The following FNDC3B variants were observed in gnomAD, a reference collection of about 807,000 sequenced individuals.
The protein encoded by FNDC3B is fibronectin type III domain-containing protein 3B.
In FNDC3B, 12 loss-of-function variants were observed where a neutral mutation model predicts 151.5. The ratio of observed to expected loss-of-function variants is 0.08; its 90% confidence interval spans 0.05 to 0.13. FNDC3B has a LOEUF of 0.13. Ranked by LOEUF, FNDC3B falls within the 10% of genes least tolerant of loss-of-function variation. The pLI is 1.00. For missense variants in FNDC3B, 1,214 were observed against 1,505.3 expected (o/e 0.81, Z 3.20); for synonymous variants, 528 against 549.0 (o/e 0.96, Z 0.54).
intron 1 of FNDC3B, among the ~76,000 whole-genome samples, chr3:172,054,836 T>C (rs2108462988): frequency 6.6e-6 from 1 of 152,298 alleles, no homozygotes; most frequent in African/African-American, 2.4e-5. Context: ...CTTTCAGGAC[T>C]TGCTGTGGTA....
chr3:172,307,468 T>C lies in FNDC3B; in HGVS notation c.1167T>C (p.His389=), dbSNP rs371252147. Residue 389 remains histidine, a synonymous_variant, in exon 10 of 26, where the codon CAT becomes CAC. Coordinates refer to ENST00000415807, the MANE Select transcript of FNDC3B (RefSeq NM_022763.4). ...GTCCTTTCCCCCCTAAGCTGGCACA[T>C]AGGAGCAAAAGTTCACTAACCCTGC... is the stretch of plus-strand genomic sequence containing the variant. The part of the protein sequence containing the change: ...PECPFPPKLA[H]RSKSSLTLQW... 9.9e-6 allele frequency: 16 copies of C among 1,613,920 alleles called. No individual in the cohort carries two copies. The African/African-American group carries it at 1.6e-4, about 16-fold the overall frequency.
At chr3:172,069,766 C>T (rs908378266) in intron 1 of FNDC3B, among the ~76,000 whole-genome samples, 4 of 152,272 alleles carry the variant, frequency 2.6e-5, no homozygotes, top group Middle Eastern at 3.4e-3. Context: ...TGGCCTTTTC[C>T]CCTTTCAGAT....
At chr3:172,209,658 C>T (rs1230056826) in intron 3 of FNDC3B, among the ~76,000 whole-genome samples, 2 of 152,246 alleles carry the variant, frequency 1.3e-5, no homozygotes, top group Non-Finnish European at 2.9e-5. Flanking sequence ...CAGTAGCCGA[C>T]TCCACCCAGA....
At chr3:172,084,218 G>T (rs1718431264) in intron 1 of FNDC3B, among the ~76,000 whole-genome samples, 1 of 152,156 alleles carries the variant, frequency 6.6e-6, no homozygotes, top group Non-Finnish European at 1.5e-5. Flanking sequence ...GGAGGCCAAG[G>T]TGGGAGGATT....
At chr3:172,154,749 C>T (rs1475263897) in intron 3 of FNDC3B, among the ~76,000 whole-genome samples, 1 of 152,050 alleles carries the variant, frequency 6.6e-6, no homozygotes, top group Non-Finnish European at 1.5e-5. Flanking sequence ...GGAATTTTAC[C>T]TTTGGTAGGG....
intron 4 of FNDC3B, among the ~76,000 whole-genome samples, chr3:172,235,914 G>A (rs1384296110): frequency 1.3e-5 from 2 of 152,162 alleles, no homozygotes; most frequent in African/African-American, 4.8e-5. Flanking sequence ...CTGAGAAGCT[G>A]GGCTGAAAAG....
chr3:172,198,908 C>G (rs917626990), intron 3 of FNDC3B, among the ~76,000 whole-genome samples: 6 of 152,120 alleles, frequency 3.9e-5, no homozygotes, highest in African/African-American at 1.2e-4. Context: ...TCTCTGCAGC[C>G]TTGGACTCCT....
intron 3 of FNDC3B, among the ~76,000 whole-genome samples, chr3:172,200,063 C>T (rs1054812835): frequency 2.6e-5 from 4 of 152,062 alleles, no homozygotes; most frequent in Non-Finnish European, 5.9e-5. Flanking sequence ...TTCAGTGTTG[C>T]GGGGGCCAGA....
At chr3:172,150,805 A>G (rs570710206) in intron 3 of FNDC3B, among the ~76,000 whole-genome samples, 9 of 152,162 alleles carry the variant, frequency 5.9e-5, no homozygotes, top group Non-Finnish European at 1.3e-4. Context: ...CAGGCATGCA[A>G]TGTGAAATAA....
intron 6 of FNDC3B, among the ~76,000 whole-genome samples, chr3:172,267,778 T>C (rs1272382045): frequency 6.6e-6 from 1 of 152,246 alleles, no homozygotes; most frequent in Non-Finnish European, 1.5e-5. Flanking sequence ...AAGTAATCTT[T>C]AATGAATCTT....
rs181481400 is a variant in FNDC3B, at chr3:172,367,796, T to G, written c.3008+4951T>G. 4.6e-5 allele frequency among the ~76,000 whole-genome samples: 7 copies of G among 152,286 alleles called. No homozygotes were observed. In the East Asian group the frequency reaches 1.3e-3, roughly 29 times the overall value. On this transcript the variant is annotated intron_variant, in intron 23 of 25. Coordinates refer to ENST00000415807, the MANE Select transcript of FNDC3B (RefSeq NM_022763.4). Reference sequence around the variant, plus strand: ...CAGGAATGCATTTATGGTTAATCTGTTGTTGAGGTTTAGTCAGACAGCCAG... The same window carrying G: ...CAGGAATGCATTTATGGTTAATCTGGTGTTGAGGTTTAGTCAGACAGCCAG...
chr3:172,336,921 A>C (rs1733005415), intron 15 of FNDC3B, among the ~76,000 whole-genome samples: 1 of 152,204 alleles, frequency 6.6e-6, no homozygotes, highest in Non-Finnish European at 1.5e-5. Context: ...AAAAAAAAAA[A>C]ACAAAAGAAT....
intron 3 of FNDC3B, among the ~76,000 whole-genome samples, chr3:172,201,956 A>AT (rs754946616): frequency 6.6e-6 from 1 of 152,200 alleles, no homozygotes; most frequent in African/African-American, 2.4e-5. Context: ...TACTTCGTGC[A>AT]TTTTTGCATG....
At chr3:172,353,309 G>A (rs1035949435) in intron 22 of FNDC3B, among the ~76,000 whole-genome samples, 3 of 152,132 alleles carry the variant, frequency 2.0e-5, no homozygotes, top group Non-Finnish European at 4.4e-5. Context: ...AACCTGCACC[G>A]TCTCTACCCC....
intron 1 of FNDC3B, among the ~76,000 whole-genome samples, chr3:172,072,148 G>C (rs1174221547): frequency 1.4e-5 from 2 of 147,632 alleles, no homozygotes; most frequent in African/African-American, 5.0e-5. Context: ...GCGTTATCTA[G>C]TATGCGTATG....
chr3:172,301,035 C>G (rs917278281), intron 9 of FNDC3B, among the ~76,000 whole-genome samples: 15 of 152,126 alleles, frequency 9.9e-5, no homozygotes, highest in African/African-American at 3.6e-4. Flanking sequence ...ACATGGCTTG[C>G]AACTTGAAGT....
At chr3:172,145,899 C>T (rs1009953734) in intron 3 of FNDC3B, among the ~76,000 whole-genome samples, 7 of 148,776 alleles carry the variant, frequency 4.7e-5, no homozygotes, top group South Asian at 2.2e-4. Context: ...CTGCAACCTC[C>T]GCCACCCGGG....
intron 22 of FNDC3B, among the ~76,000 whole-genome samples, chr3:172,358,118 C>T (rs899727122): frequency 1.3e-5 from 2 of 152,214 alleles, no homozygotes; most frequent in East Asian, 1.9e-4. Context: ...GAGTTCTGCT[C>T]ACGCCTGGAT....
intron 8 of FNDC3B, among the ~76,000 whole-genome samples, chr3:172,297,931 C>T (rs986601107): frequency 6.6e-6 from 1 of 152,040 alleles, no homozygotes; most frequent in Non-Finnish European, 1.5e-5. Context: ...CAGCTTTTGT[C>T]GCTTGGTCTA....
Sources: allele counts gnomAD v4.1 joint callset (sites outside exome capture counted in the v4.1 genomes callset), GRCh38; gene constraint gnomAD v4.1.1; transcripts MANE v1.5; gene names NCBI Gene and HGNC (gene_info 2026-07-23, HGNC 2026-07-21).